The following MIGA1 variants were observed in gnomAD, a reference collection of about 807,000 sequenced individuals.
MIGA1 encodes the protein mitoguardin 1, also known as family with sequence similarity 73, member A.
A neutral mutation model predicts 82.0 loss-of-function variants in MIGA1; 58 were observed. The ratio of observed to expected loss-of-function variants is 0.71; its 90% CI spans 0.57 to 0.88. The LOEUF (loss-of-function observed/expected upper bound fraction) is 0.88. MIGA1 is among the 40% of genes least tolerant of loss of function. The probability of loss-of-function intolerance (pLI) is 0.00; values close to 1 mark genes in which losing one functional copy is unlikely to be tolerated. For missense variants in MIGA1, 751 were observed against 749.1 expected (o/e 1.00, Z -0.03); for synonymous variants, 249 against 253.6 (o/e 0.98, Z 0.17).
chr1:77,856,518 A>G (rs1224871440), intron 8 of MIGA1, among the ~76,000 whole-genome samples: 1 of 152,020 alleles, frequency 6.6e-6, no homozygotes, highest in Non-Finnish European at 1.5e-5. Flanking sequence ...CTTTTTTTTA[A>G]TCGGTAATTT....
intron 7 of MIGA1, among the ~76,000 whole-genome samples, chr1:77,823,708 G>A (rs1683918576): frequency 6.6e-6 from 1 of 152,186 alleles, no homozygotes; most frequent in Admixed American, 6.5e-5. Flanking sequence ...AGGACTGCAG[G>A]TGCATGCCAC....
At chr1:77,835,809 G>A (rs1009911152) in intron 7 of MIGA1, among the ~76,000 whole-genome samples, 7 of 152,056 alleles carry the variant, frequency 4.6e-5, no homozygotes, top group African/African-American at 7.2e-5. Context: ...TTAGCCAGGC[G>A]TGGTGGTGCA....
In MIGA1 at chr1:77,877,159, G is replaced by C. The variant is rs1398599887; in HGVS notation, c.*2095G>C. The stretch of plus-strand genomic sequence containing the variant: ...CTCCTAAAATGCATTTTTAAAAAGC[G>C]AATTTTTAGATTAAAGTGCCTAGTT... On this transcript the variant is annotated 3_prime_UTR_variant, in exon 16 of 16. Transcript: ENST00000370791. 1 of 152,034 alleles carries C rather than the reference G, an allele frequency of 6.6e-6. No individual in the cohort carries two copies. Among genetic ancestry groups the C allele is most frequent in the South Asian group, 2.1e-4 (1 of 4,818 alleles). The allele number at this position is 152,034 out of a possible 1,614,324, so 9.4% of individuals were successfully genotyped here.
chr1:77,829,719 T>G (rs1045432965), intron 7 of MIGA1, among the ~76,000 whole-genome samples: 1 of 152,038 alleles, frequency 6.6e-6, no homozygotes, highest in African/African-American at 2.4e-5. Context: ...GATCCTCCCA[T>G]CTCGGCCTCC....
chr1:77,804,063 A>G (rs1000634127), intron 4 of MIGA1, among the ~76,000 whole-genome samples: 6 of 152,194 alleles, frequency 3.9e-5, no homozygotes, highest in Non-Finnish European at 7.4e-5. Context: ...ATCCACAAAA[A>G]TCAAAAATTA....
At position 77,821,269 on chromosome 1, in the gene MIGA1, A is replaced by G. The variant is rs1683797372; in HGVS notation, c.895+6038A>G. ...TGTTAGTTTCTTACCATTAAGCCAC[A>G]TCTTCCCTCATTTATTCCTGTGCAG... On this transcript the variant is annotated intron_variant, in intron 7 of 15. Coordinates refer to ENST00000370791, the MANE Select transcript of MIGA1 (RefSeq NM_198549.4). Among the ~76,000 whole-genome samples, 3 of 152,286 alleles carry G rather than the reference A, an allele frequency of 2.0e-5. No individual in the cohort carries two copies. In the South Asian group the frequency reaches 6.2e-4, roughly 32 times the overall value.
intron 2 of MIGA1, among the ~76,000 whole-genome samples, chr1:77,796,642 C>T (rs1682670158): frequency 1.3e-5 from 2 of 152,290 alleles, no homozygotes; most frequent in South Asian, 2.1e-4. Context: ...TTATGTCTAA[C>T]TCTTTTTGTC....
chr1:77,825,635 A>G (rs915780079), intron 7 of MIGA1, among the ~76,000 whole-genome samples: 1 of 152,232 alleles, frequency 6.6e-6, no homozygotes, highest in African/African-American at 2.4e-5. Context: ...ATGAAATAAC[A>G]TTACTGTAAA....
In MIGA1 at chr1:77,813,747, T is replaced by C. The variant is rs1683457914; in HGVS notation, c.651T>C (p.Phe217=). ...CTTAATTTTTAGGTATGGAATTGTT[T>C]GAAGAGGCATTGCGTCGATGGGAAC... The change falls in exon 6 of 16, where the codon TTT becomes TTC. Residue 217 remains phenylalanine, a synonymous_variant. Coordinates refer to ENST00000370791, the MANE Select transcript of MIGA1 (RefSeq NM_198549.4). 6.2e-7 allele frequency: 1 copy of C among 1,614,034 alleles called. No homozygotes were observed. The highest frequency in any genetic ancestry group is 8.5e-7 in the Non-Finnish European group (1 of 1,180,020).
At chr1:77,870,169 G>C (rs1389942564) in intron 14 of MIGA1, among the ~76,000 whole-genome samples, 5 of 106,978 alleles carry the variant, frequency 4.7e-5, no homozygotes, top group Admixed American at 3.4e-4. Flanking sequence ...GGGCGGCCGG[G>C]CAGAGGAGCC....
At chr1:77,839,027 A>C (rs1426510569) in intron 7 of MIGA1, among the ~76,000 whole-genome samples, 1 of 152,148 alleles carries the variant, frequency 6.6e-6, no homozygotes, top group African/African-American at 2.4e-5. Flanking sequence ...TATTATAAAC[A>C]GTATTATTAT....
chr1:77,874,994 A>C lies in MIGA1; in HGVS notation c.1829A>C (p.His610Pro), dbSNP rs1314479857. The C allele has an allele frequency of 5.0e-6, 8 of 1,614,090 alleles. No individual in the cohort carries two copies. Among genetic ancestry groups the C allele is most frequent in the Non-Finnish European group, 6.8e-6 (8 of 1,180,036 alleles). Reference sequence around the variant, plus strand: ...TATCTTGAAGCAGATGCCCTGAGGCATACAAGTAGTTGTCTAAGCAGTCAT... The same window carrying C: ...TATCTTGAAGCAGATGCCCTGAGGCCTACAAGTAGTTGTCTAAGCAGTCAT... The change falls in exon 16 of 16, where the codon CAT becomes CCT. Residue 610 changes from histidine (H) to proline (P), a missense_variant. His to Pro is a moderately conservative substitution (Grantham distance 77). Coordinates refer to ENST00000370791, the MANE Select transcript of MIGA1 (RefSeq NM_198549.4).
chr1:77,811,706 C>A, intron 5 of MIGA1: 1 of 1,611,904 alleles, frequency 6.2e-7, no homozygotes, highest in East Asian at 2.2e-5. Context: ...ACCAGCTGGC[C>A]CCAAGAGTCG....
chr1:77,871,125 G>GGGAGAGGGAGGGGAAGGA (rs149246341), intron 14 of MIGA1, among the ~76,000 whole-genome samples: 2 of 74,216 alleles, frequency 2.7e-5, no homozygotes, highest in Non-Finnish European at 5.2e-5. Flanking sequence ...GAGAGGGAGA[G>GGGAGAGGGAGGGGAAGGA]GAGGGAGAGG....
chr1:77,849,142 G>A (rs1382267815), intron 8 of MIGA1, among the ~76,000 whole-genome samples: 5 of 152,184 alleles, frequency 3.3e-5, no homozygotes, highest in Non-Finnish European at 5.9e-5. Flanking sequence ...GCTCGTGCCT[G>A]TAATACCAAC....
intron 5 of MIGA1, chr1:77,810,760 C>T (rs1242723142): frequency 6.2e-5 from 79 of 1,272,160 alleles, no homozygotes; most frequent in Non-Finnish European, 8.5e-5. Context: ...CTGGGTACGG[C>T]TTGCTTCCTG....
intron 2 of MIGA1, among the ~76,000 whole-genome samples, chr1:77,783,975 T>C (rs1682035517): frequency 6.6e-6 from 1 of 152,256 alleles, no homozygotes; most frequent in African/African-American, 2.4e-5. Context: ...ATCCATGTTG[T>C]AGCATATGTC....
chr1:77,814,002 C>CACCACA, intron 6 of MIGA1, 135 bp downstream of exon 6: 1 of 824,344 alleles, frequency 1.2e-6, no homozygotes, highest in Non-Finnish European at 1.9e-6. Context: ...GCGATCTTCC[C>CACCACA]GCCTTGTCCT....
intron 7 of MIGA1, among the ~76,000 whole-genome samples, chr1:77,823,878 G>T (rs139686426): frequency 6.6e-6 from 1 of 152,016 alleles, no homozygotes; most frequent in African/African-American, 2.4e-5. Flanking sequence ...CACATAGGTC[G>T]TGACACCTCA....
Sources: gnomAD v4.1 joint callset for allele counts (sites outside exome capture counted in the v4.1 genomes callset) on GRCh38, gnomAD v4.1.1 for gene constraint, MANE v1.5 for transcripts, NCBI Gene and HGNC (gene_info 2026-07-23, HGNC 2026-07-21) for gene names.